TAF6: variants seen among roughly 807,000 people sequenced by gnomAD.
TAF6 encodes TATA-box binding protein associated factor 6.
Under a neutral mutation model 73.5 loss-of-function variants are expected in TAF6, and 50 were observed. That is an observed-to-expected ratio of 0.68 (90% confidence interval 0.54 to 0.86). TAF6 has a LOEUF of 0.86. Among genes scored for constraint, TAF6 ranks in the 40% least tolerant of loss-of-function variants. The pLI, the probability that TAF6 is intolerant of heterozygous loss-of-function variation, is 0.00. For missense variants in TAF6, 768 were observed against 899.5 expected (o/e 0.85, Z 1.87); for synonymous variants, 424 against 376.7 (o/e 1.13, Z -1.45).
In TAF6 at chr7:100,110,206, T is replaced by C. The variant is rs537283614; in HGVS notation, c.1152A>G (p.Gly384=). 140 of 1,614,068 alleles carry C rather than the reference T, an allele frequency of 8.7e-5. 3 individuals carry two copies. In the South Asian group the frequency reaches 1.3e-3, roughly 15 times the overall value. The change falls in exon 11 of 15, where the codon GGA becomes GGG. Residue 384 remains glycine (G), a synonymous_variant. Transcript: ENST00000453269. ...YGSIAGLAEL[G]HDVIKTLILP... The stretch of plus-strand genomic sequence containing the variant: ...TTCCTCCCAGAGGCCTAACATCGTG[T>C]CCCAGCTCAGCCAAGCCTGCGATGG...
chr7:100,107,660 C>T (rs1402239409), intron 14 of TAF6, 37 bp from the exon 15 acceptor site: 2 of 1,596,500 alleles, frequency 1.3e-6, no homozygotes, highest in African/African-American at 2.7e-5. Context: ...TTGCCCTGTG[C>T]CCTCCCTGCC....
At position 100,114,244 on chromosome 7, in the gene TAF6, A is replaced by C. The variant is rs1797484109; in HGVS notation, c.-35T>G. On this transcript the variant is annotated 5_prime_UTR_variant, in exon 2 of 15. Coordinates refer to ENST00000453269, the MANE Select transcript of TAF6 (RefSeq NM_139315.3). ...CCTCTTCTCCTCCCTGGAAGGATGA[A>C]GCCCCCGGTGGAGAGACGGAGACCC... The C allele has an allele frequency of 6.2e-7, 1 of 1,613,428 alleles. No individual in the cohort carries two copies. The highest frequency in any genetic ancestry group is 1.3e-5 in the African/African-American group (1 of 74,482).
At chr7:100,124,311 C>T, upstream of TAF6, 1 of 541,884 alleles carries the variant, frequency 1.8e-6, no homozygotes, top group Non-Finnish European at 3.3e-6. Context: ...GGAGCTGAGA[C>T]TCAAGAGTTT....
the TAF6 span, chr7:100,125,357 G>A: frequency 6.3e-6 from 1 of 159,170 alleles, no homozygotes; most frequent in Admixed American, 5.9e-5. Context: ...AAGGAGAATG[G>A]GACACTGGGT....
At position 100,112,790 on chromosome 7, in the gene TAF6, G is replaced by C. The variant is rs1584554574; in HGVS notation, c.574+8C>G. ...GAGTCCAGAGAGGCCTAGCCTAGGA[G>C]GACTGACCTTTGCCGTCGGCTGTGG... On this transcript the variant is annotated splice_region_variant and intron_variant, in intron 6 of 14. Transcript: ENST00000453269. 1.2e-6 allele frequency: 2 copies of C among 1,610,808 alleles called. No individual in the cohort carries two copies. The highest frequency in any genetic ancestry group is 2.2e-5 in the East Asian group (1 of 44,752).
At position 100,113,606 on chromosome 7, in the gene TAF6, C is replaced by T. The variant is rs756196883; in HGVS notation, c.397+10G>A. 2 of 1,613,494 alleles carry T rather than the reference C, an allele frequency of 1.2e-6. No homozygotes were observed. Among genetic ancestry groups the T allele is most frequent in the South Asian group, 1.1e-5 (1 of 90,996 alleles). On this transcript the variant is annotated intron_variant, in intron 4 of 14. Transcript: ENST00000453269. ...CTCCTCCCTGCCACCCTGCTCTCCC[C>T]TCCCCCAACCTTTGAGGCAGACGTC... is the stretch of plus-strand genomic sequence containing the variant.
In TAF6 at chr7:100,107,592, G is replaced by A; in HGVS notation, c.1688C>T (p.Ser563Leu). Reference protein sequence around the residue: ...VLSLSTSAPGSGSTTTSPVTT... With the variant: ...VLSLSTSAPGLGSTTTSPVTT... ...GACGGGCGAAGTGGTGGTGGAACCTGAGCCGGGGGCCGAGGTGCTGAGGGA... is the reference window on the plus strand; with the variant it reads ...GACGGGCGAAGTGGTGGTGGAACCTAAGCCGGGGGCCGAGGTGCTGAGGGA... The change falls in exon 15 of 15, where the codon TCA becomes TTA. Residue 563 changes from serine to leucine, a missense_variant. Ser to Leu is a moderately radical substitution (Grantham distance 145). Around this residue, in one of 5 missense-constraint regions of TAF6, gnomAD observed 350 missense variants for 352.3 expected, o/e 0.99. Coordinates refer to ENST00000453269, the MANE Select transcript of TAF6 (RefSeq NM_139315.3). 1 of 1,613,612 alleles carries A rather than the reference G, an allele frequency of 6.2e-7. No individual in the cohort carries two copies. Among genetic ancestry groups the A allele is most frequent in the Non-Finnish European group, 8.5e-7 (1 of 1,179,890 alleles).
At chr7:100,110,432 C>T (rs4134916) in intron 10 of TAF6, 158 bp from the exon 11 acceptor site, 30 of 682,028 alleles carry the variant, frequency 4.4e-5, no homozygotes, top group African/African-American at 1.8e-4. Context: ...TTTGGGAGGC[C>T]GAGGCAGGCA....
upstream of TAF6, chr7:100,122,220 G>T (rs529476564): frequency 1.8e-5 from 29 of 1,611,674 alleles, no homozygotes; most frequent in Non-Finnish European, 2.4e-5. Flanking sequence ...TGGTGTGTTT[G>T]TCTTTTACCT....
At chr7:100,113,288 A>G (rs1797365507) in intron 5 of TAF6, 61 bp downstream of exon 5, 1 of 1,469,620 alleles carries the variant, frequency 6.8e-7, no homozygotes. Flanking sequence ...GTCTCAAAAA[A>G]AAAAGGTGGA....
upstream of TAF6, chr7:100,122,476 CACAG>C (rs777658620): frequency 6.2e-7 from 1 of 1,613,834 alleles, no homozygotes; most frequent in East Asian, 2.2e-5. Flanking sequence ...CCTCTCTTTC[CACAG>C]AGAGACAAGG....
upstream of TAF6, among the ~76,000 whole-genome samples, chr7:100,121,886 T>TA (rs200376650): frequency 0.35 from 53,125 of 150,636 alleles, 9,601 homozygotes; most frequent in Non-Finnish European, 0.38. Flanking sequence ...CTGTCTCTAC[T>TA]AAAAATACAA....
chr7:100,121,110 A>AT (rs1798036782), upstream of TAF6: 44 of 28,368 alleles, frequency 1.6e-3, no homozygotes, highest in Non-Finnish European at 2.1e-3. Context: ...ATATATATAT[A>AT]TATATATTTT....
upstream of TAF6, chr7:100,122,999 C>G: frequency 7.1e-7 from 1 of 1,400,468 alleles, no homozygotes; most frequent in South Asian, 1.4e-5. Context: ...ATGTCTACCC[C>G]TAAGCATGGG....
chr7:100,108,545 A>G lies in TAF6; in HGVS notation c.1285-5T>C. ...CAGAACAGGAGCACAGTGTTTCTGC[A>G]GAACAGAAAAAAAGCCAGGTAGAGG... On this transcript the variant is annotated splice_polypyrimidine_tract_variant and splice_region_variant and intron_variant, in intron 12 of 14. Transcript: ENST00000453269. 1 of 1,588,690 alleles carries G rather than the reference A, an allele frequency of 6.3e-7. No individual in the cohort carries two copies. The highest frequency in any genetic ancestry group is 8.6e-7 in the Non-Finnish European group (1 of 1,162,326).
upstream of TAF6, chr7:100,124,678 C>T: frequency 6.2e-7 from 1 of 1,612,414 alleles, no homozygotes; most frequent in African/African-American, 1.3e-5. Context: ...ATAGCCTCCC[C>T]TGCCTCCAGG....
chr7:100,107,925 C>T lies in TAF6; in HGVS notation c.1656+1G>A. 3.1e-6 allele frequency: 5 copies of T among 1,605,782 alleles called. No individual in the cohort carries two copies. The highest frequency in any genetic ancestry group is 4.3e-6 in the Non-Finnish European group (5 of 1,175,050). On this transcript the variant is annotated splice_donor_variant, in intron 14 of 14. Coordinates refer to ENST00000453269, the MANE Select transcript of TAF6 (RefSeq NM_139315.3). LOFTEE classifies it high-confidence loss of function. Reference sequence around the variant, plus strand: ...GCTCCCTGTCCCACAGCTCTGCATACCTGCTGGGTGGATGGGGCGCTGGAG... The same window carrying T: ...GCTCCCTGTCCCACAGCTCTGCATATCTGCTGGGTGGATGGGGCGCTGGAG...
chr7:100,108,098 TGC>T lies in TAF6; in HGVS notation c.1482_1483del (p.Gln495GlyfsTer242). On this transcript the variant is annotated frameshift_variant, in exon 14 of 15. Coordinates refer to ENST00000453269, the MANE Select transcript of TAF6 (RefSeq NM_139315.3). LOFTEE classifies it high-confidence loss of function. Reference sequence around the variant, plus strand: ...GGTGCGAGGGCCAGGCTGTGGGGCCTGCGAGAGGGTCAGCGTGGGCCGGGGCT... The same window carrying T: ...GGTGCGAGGGCCAGGCTGTGGGGCCTGAGAGGGTCAGCGTGGGCCGGGGCT... 3 of 1,607,492 alleles carry T rather than the reference TGC, an allele frequency of 1.9e-6. No homozygotes were observed. The highest frequency in any genetic ancestry group is 2.5e-6 in the Non-Finnish European group (3 of 1,178,132).
At chr7:100,124,671 G>T (rs1344258607), upstream of TAF6, 2 of 1,611,502 alleles carry the variant, frequency 1.2e-6, no homozygotes, top group Non-Finnish European at 1.7e-6. Context: ...CCAAGCCATA[G>T]CCTCCCCTGC....
Sources: allele counts gnomAD v4.1 joint callset (sites outside exome capture counted in the v4.1 genomes callset), GRCh38; gene constraint gnomAD v4.1.1; regional missense constraint gnomAD v4.1.1; transcripts MANE v1.5; gene names NCBI Gene and HGNC (gene_info 2026-07-23, HGNC 2026-07-21).